The following NAT2 variants were observed in gnomAD, a reference collection of about 807,000 sequenced individuals.
NAT2 encodes N-acetyltransferase 2.
For synonymous variants in NAT2, 137 were observed against 125.9 expected, an observed-to-expected ratio of 1.09 and a Z score of -0.59; for missense variants, 428 against 339.1, an observed-to-expected ratio of 1.26 and a Z score of -2.06.
intron 1 of NAT2, among the ~76,000 whole-genome samples, chr8:18,398,590 G>A (rs1721887279): frequency 6.6e-6 from 1 of 152,136 alleles, no homozygotes; most frequent in Non-Finnish European, 1.5e-5. Context: ...GCTACAACGT[G>A]TATTTAAAGT....
chr8:18,400,725 A>G lies in NAT2; in HGVS notation c.722A>G (p.Tyr241Cys). The part of the protein sequence containing the change: ...VYCLVGFILT[Y>C]RKFNYKDNTD... ...TGTTTGGTGGGCTTCATCCTCACCTATAGAAAATTCAATTATAAAGACAAT... is the reference window on the plus strand; with the variant it reads ...TGTTTGGTGGGCTTCATCCTCACCTGTAGAAAATTCAATTATAAAGACAAT... The change falls in exon 2 of 2, where the codon TAT becomes TGT. Residue 241 changes from tyrosine to cysteine, a missense_variant. Tyr to Cys is a radical substitution (Grantham distance 194, BLOSUM62 -2). Coordinates refer to ENST00000286479, the MANE Select transcript of NAT2 (RefSeq NM_000015.3). 6.2e-7 allele frequency: 1 copy of G among 1,613,848 alleles called. No homozygotes were observed. Among genetic ancestry groups the G allele is most frequent in the Non-Finnish European group, 8.5e-7 (1 of 1,179,956 alleles).
intron 1 of NAT2, among the ~76,000 whole-genome samples, chr8:18,394,325 G>C (rs547517159): frequency 1.3e-4 from 20 of 152,278 alleles, no homozygotes; most frequent in Non-Finnish European, 2.2e-4. Context: ...GGATATGATG[G>C]CTTAGCTTAG....
chr8:18,392,430 T>C (rs1392000253), intron 1 of NAT2, among the ~76,000 whole-genome samples: 1 of 152,162 alleles, frequency 6.6e-6, no homozygotes, highest in Non-Finnish European at 1.5e-5. Flanking sequence ...TGGAGTTTGA[T>C]GTTTGAGGGC....
chr8:18,391,853 C>G (rs1339065635), intron 1 of NAT2, among the ~76,000 whole-genome samples: 1 of 152,192 alleles, frequency 6.6e-6, no homozygotes, highest in Non-Finnish European at 1.5e-5. Flanking sequence ...CATCTGTTTT[C>G]TCTAAGGCTG....
chr8:18,392,562 G>A (rs758991913), intron 1 of NAT2, among the ~76,000 whole-genome samples: 9 of 152,148 alleles, frequency 5.9e-5, no homozygotes, highest in Non-Finnish European at 8.8e-5. Flanking sequence ...GTGCCCACCC[G>A]GATTGAGGGT....
chr8:18,400,809 A>C lies in NAT2; in HGVS notation c.806A>C (p.Asn269Thr), dbSNP rs1800780136. 1.2e-6 allele frequency: 2 copies of C among 1,611,466 alleles called. No homozygotes were observed. Among genetic ancestry groups the C allele is most frequent in the African/African-American group, 1.3e-5 (1 of 74,734 alleles). The part of the protein sequence containing the change: ...TEEEVEEVLR[N>T]IFKISLGRNL... ...GAAGAGGTTGAAGAAGTGCTGAGAA[A>C]TATATTTAAGATTTCCTTGGGGAGA... The change falls in exon 2 of 2, where the codon AAT becomes ACT. Residue 269 changes from asparagine (N) to threonine (T), a missense_variant. Transcript: ENST00000286479.
upstream of NAT2, among the ~76,000 whole-genome samples, chr8:18,390,870 G>C (rs981027994): frequency 6.6e-6 from 1 of 152,096 alleles, no homozygotes; most frequent in Non-Finnish European, 1.5e-5. Flanking sequence ...GAAAAAGAGA[G>C]GCCTTATAGG....
Position 18,400,131 on chromosome 8 carries a change from A to G in NAT2, c.128A>G (p.His43Arg). Residue 43 changes from histidine (H) to arginine (R), a missense_variant, in exon 2 of 2, where the codon CAT becomes CGT. By Grantham distance (29) the His-to-Arg change is conservative (BLOSUM62 0). Coordinates refer to ENST00000286479, the MANE Select transcript of NAT2 (RefSeq NM_000015.3). ...GTTCCCTTTGAGAACCTTAACATGC[A>G]TTGTGGGCAAGCCATGGAGTTGGGC... is the stretch of plus-strand genomic sequence containing the variant. ...RAVPFENLNM[H>R]CGQAMELGLE... 1.2e-6 allele frequency: 2 copies of G among 1,614,038 alleles called. No individual in the cohort carries two copies. Among genetic ancestry groups the G allele is most frequent in the Non-Finnish European group, 1.7e-6 (2 of 1,179,946 alleles).
upstream of NAT2, among the ~76,000 whole-genome samples, chr8:18,389,154 A>G (rs1565684): frequency 0.47 from 71,317 of 152,040 alleles, 17,538 homozygotes; most frequent in Middle Eastern, 0.59. Flanking sequence ...TCAGAATTAC[A>G]CATGTGCCAA....
chr8:18,400,085 C>G lies in NAT2; in HGVS notation c.82C>G (p.Leu28Val). 2 of 1,613,782 alleles carry G rather than the reference C, an allele frequency of 1.2e-6. No homozygotes were observed. Among genetic ancestry groups the G allele is most frequent in the Non-Finnish European group, 8.5e-7 (1 of 1,179,864 alleles). ...GGACTTGGAAACATTAACTGACATTCTTGAGCACCAGATCCGGGCTGTTCC... is the reference window on the plus strand; with the variant it reads ...GGACTTGGAAACATTAACTGACATTGTTGAGCACCAGATCCGGGCTGTTCC... ...KLDLETLTDI[L>V]EHQIRAVPFE... The change falls in exon 2 of 2, where the codon CTT becomes GTT. Residue 28 changes from leucine to valine, a missense_variant. Leu to Val is a conservative substitution (Grantham distance 32, BLOSUM62 1). Transcript: ENST00000286479.
At chr8:18,392,040 C>A (rs2117611890) in intron 1 of NAT2, among the ~76,000 whole-genome samples, 1 of 152,310 alleles carries the variant, frequency 6.6e-6, no homozygotes, top group South Asian at 2.1e-4. Flanking sequence ...TTCAATATGT[C>A]TGATTTTCAG....
rs532948434 is a variant in NAT2, at chr8:18,399,838, G to A, written c.-6-160G>A. Among the ~76,000 whole-genome samples, 5 of 152,272 alleles carry A rather than the reference G, an allele frequency of 3.3e-5. 1 individual carries two copies. The highest frequency in any genetic ancestry group is 1.2e-4 in the African/African-American group (5 of 41,554). ...TAAGAGAACTTATGCATGTAAAAGG[G>A]ATTCATGCAGTAGAAATACTAACAA... On this transcript the variant is annotated intron_variant, in intron 1 of 1. Coordinates refer to ENST00000286479, the MANE Select transcript of NAT2 (RefSeq NM_000015.3).
At chr8:18,387,133 G>C (rs1800516767), upstream of NAT2, 1 of 152,526 alleles carries the variant, frequency 6.6e-6, no homozygotes, top group Non-Finnish European at 1.5e-5. Flanking sequence ...CCAGGTCCTG[G>C]ACGGGATCGT....
At chr8:18,399,007 T>C (rs1800743634) in intron 1 of NAT2, among the ~76,000 whole-genome samples, 1 of 152,178 alleles carries the variant, frequency 6.6e-6, no homozygotes, top group Non-Finnish European at 1.5e-5. Flanking sequence ...CACTTTGATT[T>C]CTCATCTCGT....
chr8:18,399,990 T>C lies in NAT2; in HGVS notation c.-6-8T>C, dbSNP rs1259294289. On this transcript the variant is annotated splice_polypyrimidine_tract_variant and splice_region_variant and intron_variant, in intron 1 of 1. Coordinates refer to ENST00000286479, the MANE Select transcript of NAT2 (RefSeq NM_000015.3). ...GATATGTTTTTATGTTTTGTTTTTC[T>C]TGCTTAGGGGATCATGGACATTGAA... 6.5e-7 allele frequency: 1 copy of C among 1,545,790 alleles called. No homozygotes were observed. The highest frequency in any genetic ancestry group is 8.7e-7 in the Non-Finnish European group (1 of 1,146,632).
intron 1 of NAT2, among the ~76,000 whole-genome samples, chr8:18,395,655 C>T (rs1800671290): frequency 1.3e-5 from 2 of 152,142 alleles, no homozygotes; most frequent in Admixed American, 6.5e-5. Flanking sequence ...TGATTTTCTT[C>T]AGTCCCCACT....
intron 1 of NAT2, 126 bp from the exon 2 acceptor site, chr8:18,399,872 C>A: frequency 9.2e-7 from 1 of 1,088,754 alleles, no homozygotes; most frequent in Non-Finnish European, 1.3e-6. Context: ...AAAAGAATTA[C>A]TATGACAGAT....
At position 18,400,881 on chromosome 8, in the gene NAT2, A is replaced by C. The variant is rs1454077910; in HGVS notation, c.*5A>C. The stretch of plus-strand genomic sequence containing the variant: ...GATGGATCCCTTACTATTTAGAATA[A>C]GGAACAAAATAAACCCTTGTGTATG... On this transcript the variant is annotated 3_prime_UTR_variant, in exon 2 of 2. Transcript: ENST00000286479. The C allele has an allele frequency of 1.3e-6, 2 of 1,568,776 alleles. No homozygotes were observed. Among genetic ancestry groups the C allele is most frequent in the Non-Finnish European group, 1.7e-6 (2 of 1,163,114 alleles).
upstream of NAT2, chr8:18,387,057 G>C (rs1800515457): frequency 6.6e-6 from 1 of 152,366 alleles, no homozygotes. Flanking sequence ...CCCAGGCCAG[G>C]GACACGCTGG....
Sources: allele counts gnomAD v4.1 joint callset (sites outside exome capture counted in the v4.1 genomes callset), GRCh38; gene constraint gnomAD v4.1.1; transcripts MANE v1.5; gene names NCBI Gene and HGNC (gene_info 2026-07-23, HGNC 2026-07-21).